Variants in BTBD9 observed in about 807,000 individuals in gnomAD.
The protein encoded by BTBD9 is BTB domain containing 9.
BTBD9 carries 49 observed loss-of-function variants against 64.3 expected under a neutral mutation model. The observed-to-expected ratio is 0.76, with a 90% confidence interval of 0.61 to 0.97. The LOEUF (loss-of-function observed/expected upper bound fraction) is 0.97, where lower values mean the gene tolerates loss of function less well. BTBD9 is among the 50% of genes least tolerant of loss of function. The pLI is 0.00. For missense variants in BTBD9, 598 were observed against 762.1 expected (o/e 0.78, Z 2.53); for synonymous variants, 260 against 274.7 (o/e 0.95, Z 0.53).
chr6:38,413,326 C>A (rs116340221), intron 6 of BTBD9, among the ~76,000 whole-genome samples: 3 of 152,102 alleles, frequency 2.0e-5, no homozygotes, highest in Admixed American at 2.0e-4. Flanking sequence ...AGTGAGGCAG[C>A]GGGGGCTGTG....
At chr6:38,515,966 A>AGAGACT (rs1238198915) in intron 6 of BTBD9, among the ~76,000 whole-genome samples, 1 of 152,258 alleles carries the variant, frequency 6.6e-6, no homozygotes, top group Non-Finnish European at 1.5e-5. Context: ...CACTCTGTAC[A>AGAGACT]GAGACTGATG....
At chr6:38,583,409 G>T (rs940727039) in intron 4 of BTBD9, among the ~76,000 whole-genome samples, 3 of 152,186 alleles carry the variant, frequency 2.0e-5, no homozygotes, top group Non-Finnish European at 4.4e-5. Flanking sequence ...TGAGACAGGA[G>T]AATCACTTGA....
chr6:38,240,193 T>C (rs1228346936), intron 9 of BTBD9, among the ~76,000 whole-genome samples: 1 of 152,200 alleles, frequency 6.6e-6, no homozygotes, highest in Non-Finnish European at 1.5e-5. Flanking sequence ...TACTTCCAGA[T>C]TTAGCATGCT....
At chr6:38,537,948 C>G (rs562020457) in intron 6 of BTBD9, among the ~76,000 whole-genome samples, 2 of 152,252 alleles carry the variant, frequency 1.3e-5, no homozygotes, top group African/African-American at 4.8e-5. Context: ...ATGGCAGAGC[C>G]CCCTTGCCAG....
At chr6:38,634,132 T>C (rs899513634) in intron 1 of BTBD9, among the ~76,000 whole-genome samples, 4 of 152,212 alleles carry the variant, frequency 2.6e-5, no homozygotes, top group South Asian at 2.1e-4. Flanking sequence ...GAATAGTGAG[T>C]AGCTAAGCTG....
chr6:38,248,111 T>C (rs1764272714), intron 9 of BTBD9, among the ~76,000 whole-genome samples: 1 of 152,200 alleles, frequency 6.6e-6, no homozygotes, highest in Admixed American at 6.5e-5. Context: ...TTTCTACTTA[T>C]GATAACACTT....
At chr6:38,525,050 T>C (rs1444912573) in intron 6 of BTBD9, among the ~76,000 whole-genome samples, 1 of 152,180 alleles carries the variant, frequency 6.6e-6, no homozygotes, top group African/African-American at 2.4e-5. Flanking sequence ...TAATATTTTG[T>C]CACATGGGGG....
At chr6:38,344,413 T>C (rs1025110083) in intron 7 of BTBD9, among the ~76,000 whole-genome samples, 6 of 152,230 alleles carry the variant, frequency 3.9e-5, no homozygotes, top group African/African-American at 1.4e-4. Flanking sequence ...ACCAAATAAC[T>C]TGACTTTTGC....
intron 9 of BTBD9, among the ~76,000 whole-genome samples, chr6:38,243,111 A>G (rs1016540145): frequency 2.6e-5 from 4 of 152,194 alleles, no homozygotes; most frequent in Non-Finnish European, 5.9e-5. Context: ...GCTTACCTAA[A>G]GCATGGGCTC....
intron 1 of BTBD9, among the ~76,000 whole-genome samples, chr6:38,621,970 A>G (rs1777996222): frequency 6.6e-6 from 1 of 152,206 alleles, no homozygotes; most frequent in Non-Finnish European, 1.5e-5. Flanking sequence ...TCACAGGGGC[A>G]TAGTTTTCTC....
chr6:38,328,564 C>CGTGTGTGTGTGTGTGTGTCTGTGTGTGT (rs1442660083), intron 7 of BTBD9, among the ~76,000 whole-genome samples: 4 of 130,408 alleles, frequency 3.1e-5, no homozygotes, highest in African/African-American at 9.1e-5. Flanking sequence ...TTTAAGCCAC[C>CGTGTGTGTGTGTGTGTGTCTGTGTGTGT]GTGTGTGTGT....
rs778762172 is a variant in BTBD9 at position 38,594,074 on chromosome 6, C to T, written c.439G>A (p.Asp147Asn). ...GGAAGTGAGTAGAGACTGGCAACAT[C>T]AAAAGTCATGCAGACATTCTGAATG... ...LNIQNVCMTF[D>N]VASLYSLPKL... The change falls in exon 3 of 11, where the codon GAT (aspartate) becomes AAT (asparagine). Residue 147 changes from aspartate to asparagine, a missense_variant. Coordinates refer to ENST00000481247, the MANE Select transcript of BTBD9 (RefSeq NM_001099272.2). 30 of 1,614,104 alleles carry T rather than the reference C, an allele frequency of 1.9e-5. No individual in the cohort carries two copies. The highest frequency in any genetic ancestry group is 2.5e-5 in the Non-Finnish European group (29 of 1,180,016).
chr6:38,598,629 C>G lies in BTBD9; in HGVS notation c.-27-508G>C, dbSNP rs553536139. ...CTCAAATATTTCATTTAAAAAAAAT[C>G]TTCTGGGGCCAGGCACGGTGGCTCA... On this transcript the variant is annotated intron_variant, in intron 1 of 10. Coordinates refer to ENST00000481247, the MANE Select transcript of BTBD9 (RefSeq NM_001099272.2). Among the ~76,000 whole-genome samples the G allele has an allele frequency of 7.9e-5, 12 of 152,156 alleles. No homozygotes were observed. In the East Asian group the frequency reaches 1.9e-3, roughly 25 times the overall value.
chr6:38,525,060 GATATC>G (rs1773424258), intron 6 of BTBD9, among the ~76,000 whole-genome samples: 1 of 152,116 alleles, frequency 6.6e-6, no homozygotes, highest in African/African-American at 2.4e-5. Context: ...TCACATGGGG[GATATC>G]ATGATGGCAC....
At chr6:38,279,829 TG>T (rs1194739451) in intron 8 of BTBD9, among the ~76,000 whole-genome samples, 1 of 152,198 alleles carries the variant, frequency 6.6e-6, no homozygotes, top group African/African-American at 2.4e-5. Flanking sequence ...ATGGGTCAGA[TG>T]GGGCCGAAAT....
chr6:38,417,043 G>A lies in BTBD9; in HGVS notation c.1155-71950C>T, dbSNP rs979894295. On this transcript the variant is annotated intron_variant, in intron 6 of 10. Transcript: ENST00000481247. ...CCTTGTCCTCCTGGGCTCAAACAAG[G>A]TGCTCTGCACCTCAGCCTCCCAAGT... 2.6e-5 allele frequency among the ~76,000 whole-genome samples: 4 copies of A among 152,122 alleles called. No homozygotes were observed. In the East Asian group the frequency reaches 7.7e-4, roughly 29 times the overall value.
At position 38,174,115 on chromosome 6, in the gene BTBD9, G is replaced by C. The variant is rs1766901135; in HGVS notation, c.*870C>G. On this transcript the variant is annotated 3_prime_UTR_variant, in exon 11 of 11. Transcript: ENST00000481247. Reference sequence around the variant, plus strand: ...GCAGGTTTGGCCACGCCAGAACTCGGTATATGTTTATCTACATGGACTTCG... The same window carrying C: ...GCAGGTTTGGCCACGCCAGAACTCGCTATATGTTTATCTACATGGACTTCG... The C allele has an allele frequency of 6.6e-6, 1 of 152,244 alleles. No individual in the cohort carries two copies. The highest frequency in any genetic ancestry group is 2.1e-4 in the South Asian group (1 of 4,836). 9.4% of individuals were successfully genotyped at this position (152,244 alleles called of 1,614,324 possible). A position where few individuals can be genotyped will look rare whatever the true frequency, so the allele number is the denominator to read the frequency against.
At chr6:38,200,766 T>A (rs571543135) in intron 9 of BTBD9, among the ~76,000 whole-genome samples, 1 of 152,272 alleles carries the variant, frequency 6.6e-6, no homozygotes, top group East Asian at 1.9e-4. Context: ...ATGGAATCCA[T>A]AACAAAAAGT....
intron 9 of BTBD9, among the ~76,000 whole-genome samples, chr6:38,231,794 G>A (rs1248150152): frequency 6.6e-6 from 1 of 152,224 alleles, no homozygotes; most frequent in African/African-American, 2.4e-5. Context: ...TTCCTACTAT[G>A]ACAGCAGGGC....
Sources: gnomAD v4.1 joint callset for allele counts (sites outside exome capture counted in the v4.1 genomes callset) on GRCh38, gnomAD v4.1.1 for gene constraint, MANE v1.5 for transcripts, NCBI Gene and HGNC (gene_info 2026-07-23, HGNC 2026-07-21) for gene names.